Variants in KDM2A observed in about 807,000 individuals in gnomAD.
KDM2A encodes lysine demethylase 2A.
In KDM2A, 3 loss-of-function variants were observed where a neutral mutation model predicts 137.3. The ratio of observed to expected loss-of-function variants is 0.02; its 90% CI spans 0.01 to 0.06. KDM2A has a LOEUF of 0.06. KDM2A is among the 10% of genes least tolerant of loss of function. The pLI is 1.00. For missense variants in KDM2A, 738 were observed against 1,510.6 expected (o/e 0.49, Z 8.48); for synonymous variants, 512 against 541.5 (o/e 0.95, Z 0.76).
chr11:67,222,046 T>C (rs1458293046), intron 10 of KDM2A, among the ~76,000 whole-genome samples: 1 of 148,204 alleles, frequency 6.7e-6, no homozygotes, highest in Non-Finnish European at 1.5e-5. Flanking sequence ...TACTCCTGTT[T>C]AACTCTGTCA....
At position 67,245,467 on chromosome 11, in the gene KDM2A, T is replaced by C. The variant is rs1279397363; in HGVS notation, c.1833+9T>C. On this transcript the variant is annotated intron_variant, in intron 14 of 20. Coordinates refer to ENST00000529006, the MANE Select transcript of KDM2A (RefSeq NM_012308.3). This position sits in a 1 kb window ranked among gnomAD's most constrained non-coding sequence, Gnocchi z 4.1. ...TCCGACAGTGCTTGGCAGTGAGTGA[T>C]CTGCTGGGTAAAGAATTTTGGGGAG... 6.2e-7 allele frequency: 1 copy of C among 1,611,548 alleles called. No homozygotes were observed. The highest frequency in any genetic ancestry group is 1.7e-5 in the Admixed American group (1 of 59,988).
At chr11:67,195,953 A>G (rs2136358320) in intron 5 of KDM2A, 2 of 430,620 alleles carry the variant, frequency 4.6e-6, no homozygotes, top group South Asian at 4.0e-5. Flanking sequence ...CCAAATCCAC[A>G]ATATCTTCTA....
At chr11:67,184,574 C>T (rs1285302224) in intron 5 of KDM2A, among the ~76,000 whole-genome samples, 1 of 151,666 alleles carries the variant, frequency 6.6e-6, no homozygotes, top group African/African-American at 2.4e-5. Context: ...TTGCAGTGAG[C>T]GAAGCTTGTG....
At chr11:67,145,537 T>C (rs1856223227) in intron 2 of KDM2A, among the ~76,000 whole-genome samples, 1 of 151,328 alleles carries the variant, frequency 6.6e-6, no homozygotes, top group South Asian at 2.1e-4. Context: ...AGGGGGAATA[T>C]GGTAGCACCC....
At chr11:67,156,660 A>G (rs920238333) in intron 2 of KDM2A, among the ~76,000 whole-genome samples, 7 of 149,624 alleles carry the variant, frequency 4.7e-5, no homozygotes, top group African/African-American at 1.7e-4. Flanking sequence ...CTGAGCTTGC[A>G]GTGAGCCGAG....
At chr11:67,123,828 C>T (rs1288490699) in intron 2 of KDM2A, among the ~76,000 whole-genome samples, 2 of 152,116 alleles carry the variant, frequency 1.3e-5, no homozygotes, top group Non-Finnish European at 2.9e-5. Flanking sequence ...AGGTGCCTAC[C>T]ACCACACCTG....
In KDM2A at chr11:67,255,555, A is replaced by C. The variant is rs1023191457; in HGVS notation, c.*500A>C. The C allele has an allele frequency of 4.4e-6, 2 of 456,826 alleles. No individual in the cohort carries two copies. The highest frequency in any genetic ancestry group is 8.8e-6 in the Non-Finnish European group (2 of 227,060). 28.3% of individuals were successfully genotyped at this position (456,826 alleles called of 1,614,324 possible). A position where few individuals can be genotyped will look rare whatever the true frequency, so the allele number is the denominator to read the frequency against. On this transcript the variant is annotated 3_prime_UTR_variant, in exon 21 of 21. Coordinates refer to ENST00000529006, the MANE Select transcript of KDM2A (RefSeq NM_012308.3). ...TTGCGCAGGAGGGGCCAGCAGCCCCAGGAGTCCCAGACCCGTGCCGATCAC... is the reference window on the plus strand; with the variant it reads ...TTGCGCAGGAGGGGCCAGCAGCCCCCGGAGTCCCAGACCCGTGCCGATCAC...
At chr11:67,241,482 A>T (rs141395693) in intron 12 of KDM2A, among the ~76,000 whole-genome samples, 1 of 152,006 alleles carries the variant, frequency 6.6e-6, no homozygotes, top group Non-Finnish European at 1.5e-5. Context: ...CAGGATCCTT[A>T]GGTTAAGAAT....
At chr11:67,209,233 G>T (rs182736314) in intron 6 of KDM2A, among the ~76,000 whole-genome samples, 1 of 151,464 alleles carries the variant, frequency 6.6e-6, no homozygotes, top group Non-Finnish European at 1.5e-5. Context: ...ACACCGGGCC[G>T]AAAGGAACTA....
chr11:67,153,375 C>T (rs1202501234), intron 2 of KDM2A, among the ~76,000 whole-genome samples: 1 of 152,128 alleles, frequency 6.6e-6, no homozygotes, highest in African/African-American at 2.4e-5. Flanking sequence ...AGGTGTATTC[C>T]TCAACCCAGT....
intron 2 of KDM2A, among the ~76,000 whole-genome samples, chr11:67,162,784 G>A (rs1216299495): frequency 6.6e-6 from 1 of 152,078 alleles, no homozygotes; most frequent in African/African-American, 2.4e-5. Context: ...TGTGATCATT[G>A]TTCACTGGAA....
intron 2 of KDM2A, among the ~76,000 whole-genome samples, chr11:67,168,962 T>G (rs1207539346): frequency 6.8e-6 from 1 of 146,138 alleles, no homozygotes; most frequent in African/African-American, 2.5e-5. Context: ...TTTTTTTTTT[T>G]TTTTTTTTTT....
At position 67,245,731 on chromosome 11, in the gene KDM2A, A is replaced by G. The variant is rs1859184678; in HGVS notation, c.1834-254A>G. 5.0e-6 allele frequency: 3 copies of G among 598,302 alleles called. No homozygotes were observed. The African/African-American group carries it at 5.6e-5, about 11-fold the overall frequency. The allele number at this position is 598,302 out of a possible 1,614,324, so 37.1% of individuals were successfully genotyped here. On this transcript the variant is annotated intron_variant, in intron 14 of 20. Transcript: ENST00000529006. The surrounding 1 kb of genome is among the most constrained non-coding windows in gnomAD (Gnocchi z 4.1). ...TGCTTTCTTTCCCCTCTTCAGGTAG[A>G]TTAGAAAGGACCGGGGAGGCCAAGT...
chr11:67,252,669 C>T (rs765282076), intron 17 of KDM2A, 25 bp from the exon 18 acceptor site: 16 of 1,613,278 alleles, frequency 9.9e-6, no homozygotes, highest in South Asian at 2.2e-5. Flanking sequence ...TTAATGAAGG[C>T]GAGTTCTCTT....
chr11:67,141,392 C>G lies in KDM2A; in HGVS notation c.42+20034C>G, dbSNP rs910892980. ...ATACAATTCATTGTTATTGGCCGGG[C>G]GCGGTGGCTCACGCCTGTAATCCCA... is the stretch of plus-strand genomic sequence containing the variant. On this transcript the variant is annotated intron_variant, in intron 2 of 20. Transcript: ENST00000529006. 2.6e-5 allele frequency among the ~76,000 whole-genome samples: 4 copies of G among 151,772 alleles called. No individual in the cohort carries two copies. The South Asian group carries it at 8.3e-4, about 31-fold the overall frequency.
chr11:67,152,863 T>C (rs1320316423), intron 2 of KDM2A, among the ~76,000 whole-genome samples: 1 of 151,428 alleles, frequency 6.6e-6, no homozygotes, highest in Non-Finnish European at 1.5e-5. Flanking sequence ...AAAAGCATTT[T>C]TAATTTTATA....
intron 2 of KDM2A, among the ~76,000 whole-genome samples, chr11:67,171,286 C>A (rs1051700015): frequency 3.9e-5 from 6 of 152,150 alleles, no homozygotes; most frequent in Non-Finnish European, 7.3e-5. Flanking sequence ...CTAGTCAGGA[C>A]AGACGAGGCC....
At position 67,257,106 on chromosome 11, in the gene KDM2A, T is replaced by C. The variant is rs536141869; in HGVS notation, c.*2051T>C. The C allele has an allele frequency of 2.2e-4, 33 of 152,396 alleles. No individual in the cohort carries two copies. Among genetic ancestry groups the C allele is most frequent in the African/African-American group, 7.9e-4 (33 of 41,574 alleles). 9.4% of individuals were successfully genotyped at this position (152,396 alleles called of 1,614,324 possible). On this transcript the variant is annotated 3_prime_UTR_variant, in exon 21 of 21. Coordinates refer to ENST00000529006, the MANE Select transcript of KDM2A (RefSeq NM_012308.3). ...AAAAGATTACTTTGTTTTATTTTGT[T>C]GTCTTTTTATAAAAGGGGAGGTGGA...
At chr11:67,168,318 C>T (rs1856792481) in intron 2 of KDM2A, among the ~76,000 whole-genome samples, 1 of 151,842 alleles carries the variant, frequency 6.6e-6, no homozygotes, top group Admixed American at 6.6e-5. Flanking sequence ...GTGGAGCTTC[C>T]CCCAAACCCT....
Sources: gnomAD v4.1 joint callset for allele counts (sites outside exome capture counted in the v4.1 genomes callset) on GRCh38, gnomAD v4.1.1 for gene constraint, Gnocchi (gnomAD v3.1) non-coding constraint, MANE v1.5 for transcripts, NCBI Gene and HGNC (gene_info 2026-07-23, HGNC 2026-07-21) for gene names.